CACNA2D1: variants seen among roughly 807,000 people sequenced by gnomAD.
CACNA2D1 encodes calcium voltage-gated channel auxiliary subunit alpha2delta 1.
CACNA2D1 carries 53 observed loss-of-function variants against 171.5 expected under a neutral mutation model. The ratio of observed to expected loss-of-function variants is 0.31; its 90% CI spans 0.25 to 0.39. CACNA2D1 has a LOEUF of 0.39. Ranked by LOEUF, CACNA2D1 falls within the 10% of genes least tolerant of loss-of-function variation. The pLI, the probability that CACNA2D1 is intolerant of heterozygous loss-of-function variation, is 1.00. For synonymous variants in CACNA2D1, 442 were observed against 443.1 expected (o/e 1.00, Z 0.03); for missense variants, 903 against 1,299.8 (o/e 0.69, Z 4.69).
At chr7:82,438,668 C>G (rs919429237) in intron 1 of CACNA2D1, among the ~76,000 whole-genome samples, 1 of 152,154 alleles carries the variant, frequency 6.6e-6, no homozygotes, top group African/African-American at 2.4e-5. Flanking sequence ...TGGGAACAGT[C>G]GTGGTACTGC....
intron 9 of CACNA2D1, among the ~76,000 whole-genome samples, chr7:82,062,729 C>CTTTTTTTTT (rs71520797): frequency 1.9e-5 from 1 of 52,170 alleles, no homozygotes; most frequent in East Asian, 5.0e-4. Context: ...GGTATATCTC[C>CTTTTTTTTT]TTTTTTTTTT....
At chr7:82,216,673 C>T (rs1464753877) in intron 3 of CACNA2D1, among the ~76,000 whole-genome samples, 1 of 151,982 alleles carries the variant, frequency 6.6e-6, no homozygotes, top group Non-Finnish European at 1.5e-5. Flanking sequence ...AAGAAGGGTT[C>T]CATTTTGTCA....
At chr7:82,070,085 T>C (rs755517475) in intron 7 of CACNA2D1, among the ~76,000 whole-genome samples, 5 of 152,178 alleles carry the variant, frequency 3.3e-5, no homozygotes, top group Admixed American at 1.3e-4. Flanking sequence ...GTGTACTGCA[T>C]AGCTCACAAA....
intron 10 of CACNA2D1, among the ~76,000 whole-genome samples, chr7:82,049,751 C>T (rs1480066734): frequency 6.6e-6 from 1 of 152,172 alleles, no homozygotes; most frequent in Non-Finnish European, 1.5e-5. Flanking sequence ...ACAGGCCCCA[C>T]TTCGATGGCA....
chr7:81,961,334 T>G (rs1794090366), intron 36 of CACNA2D1, among the ~76,000 whole-genome samples: 1 of 151,946 alleles, frequency 6.6e-6, no homozygotes, highest in South Asian at 2.1e-4. Flanking sequence ...CTGACTAACA[T>G]TAACCATGAC....
At chr7:82,383,130 G>C (rs1823898604) in intron 1 of CACNA2D1, among the ~76,000 whole-genome samples, 1 of 152,142 alleles carries the variant, frequency 6.6e-6, no homozygotes, top group South Asian at 2.1e-4. Context: ...TTGCCGTTTA[G>C]AACACAGCCT....
intron 3 of CACNA2D1, among the ~76,000 whole-genome samples, chr7:82,173,639 C>G (rs3801720): frequency 0.35 from 51,741 of 148,328 alleles, 10,671 homozygotes; most frequent in Non-Finnish European, 0.46. Flanking sequence ...TATAGAAAAC[C>G]GACATGTCTT....
chr7:82,266,961 T>A (rs372536507), intron 3 of CACNA2D1, among the ~76,000 whole-genome samples: 1 of 152,348 alleles, frequency 6.6e-6, no homozygotes, highest in East Asian at 1.9e-4. Flanking sequence ...GACAAACTAC[T>A]TCTGAAAAAT....
intron 3 of CACNA2D1, among the ~76,000 whole-genome samples, chr7:82,218,099 T>C (rs1212083866): frequency 1.3e-5 from 2 of 151,834 alleles, no homozygotes; most frequent in Non-Finnish European, 2.9e-5. Context: ...CACGCCCGGC[T>C]AATCTTTTGT....
rs768645564 is a variant in CACNA2D1 at position 81,969,022 on chromosome 7, A to G, written c.2309-49T>C. ...AACACCTATCAAGATATATTGAATA[A>G]TAATATTGATTTTCCGTCATTAGAT... is the stretch of plus-strand genomic sequence containing the variant. On this transcript the variant is annotated intron_variant, in intron 28 of 38. Coordinates refer to ENST00000356860, the MANE Select transcript of CACNA2D1 (RefSeq NM_000722.4). 4 of 1,031,828 alleles carry G rather than the reference A, an allele frequency of 3.9e-6. No individual in the cohort carries two copies. In the East Asian group the frequency reaches 7.5e-5, roughly 19 times the overall value. The allele number at this position is 1,031,828 out of a possible 1,614,324, so 63.9% of individuals were successfully genotyped here.
intron 3 of CACNA2D1, among the ~76,000 whole-genome samples, chr7:82,174,516 AC>A (rs983051055): frequency 2.0e-5 from 3 of 152,102 alleles, no homozygotes; most frequent in African/African-American, 7.2e-5. Context: ...TTAAGGACTT[AC>A]AACTATAACA....
chr7:82,046,038 T>C (rs550958061), intron 10 of CACNA2D1, among the ~76,000 whole-genome samples: 2 of 152,284 alleles, frequency 1.3e-5, no homozygotes, highest in South Asian at 4.1e-4. Context: ...CTTTAGAAAT[T>C]TTTGTCAAAT....
At chr7:82,116,351 C>G (rs1157862111) in intron 6 of CACNA2D1, among the ~76,000 whole-genome samples, 4 of 152,192 alleles carry the variant, frequency 2.6e-5, no homozygotes, top group Non-Finnish European at 2.9e-5. Flanking sequence ...AAGCGTGTCT[C>G]TAAAAAACAA....
intron 6 of CACNA2D1, among the ~76,000 whole-genome samples, chr7:82,087,962 T>A (rs1810672409): frequency 1.3e-5 from 2 of 152,276 alleles, no homozygotes; most frequent in Admixed American, 1.3e-4. Flanking sequence ...ATTGTATTTA[T>A]ACACACATTA....
At chr7:82,432,410 G>T (rs190262388) in intron 1 of CACNA2D1, among the ~76,000 whole-genome samples, 4 of 152,274 alleles carry the variant, frequency 2.6e-5, no homozygotes, top group African/African-American at 9.6e-5. Context: ...AGGAACTGCC[G>T]TGATGGCAAG....
At chr7:82,204,421 C>A (rs541994559) in intron 3 of CACNA2D1, among the ~76,000 whole-genome samples, 1 of 152,146 alleles carries the variant, frequency 6.6e-6, no homozygotes, top group African/African-American at 2.4e-5. Flanking sequence ...ACCAGGTATG[C>A]GGATGAACGG....
Position 81,950,312 on chromosome 7 carries a change from C to G in CACNA2D1, c.*80G>C. 1 of 1,611,792 alleles carries G rather than the reference C, an allele frequency of 6.2e-7. No individual in the cohort carries two copies. The highest frequency in any genetic ancestry group is 8.5e-7 in the Non-Finnish European group (1 of 1,178,682). ...TGTTTGTCTGATTTTATAGCTGACC[C>G]TACGTTACTGTAATTGAGGGCAGGG... On this transcript the variant is annotated 3_prime_UTR_variant, in exon 39 of 39. Transcript: ENST00000356860.
chr7:81,969,053 T>C (rs1230785360), intron 28 of CACNA2D1, 80 bp from the exon 29 acceptor site: 18 of 843,530 alleles, frequency 2.1e-5, no homozygotes, highest in Non-Finnish European at 3.5e-5. Context: ...TAGATACAAA[T>C]GGATAGTATT....
chr7:82,249,098 A>G (rs1805310568), intron 3 of CACNA2D1, among the ~76,000 whole-genome samples: 1 of 151,496 alleles, frequency 6.6e-6, no homozygotes, highest in Admixed American at 6.6e-5. Flanking sequence ...CCTGGGTGAC[A>G]GAGTGAGACT....
Sources: gnomAD v4.1 joint callset for allele counts (sites outside exome capture counted in the v4.1 genomes callset) on GRCh38, gnomAD v4.1.1 for gene constraint, MANE v1.5 for transcripts, NCBI Gene and HGNC (gene_info 2026-07-23, HGNC 2026-07-21) for gene names.